Variants in HTR4 observed in about 807,000 individuals in gnomAD.
HTR4 encodes 5-hydroxytryptamine receptor 4.
In HTR4, 16 loss-of-function variants were observed where a neutral mutation model predicts 36.8. The ratio of observed to expected loss-of-function variants is 0.43; its 90% CI spans 0.29 to 0.66. HTR4 has a LOEUF of 0.66. HTR4 is among the 30% of genes least tolerant of loss of function. The pLI, the probability that HTR4 is intolerant of heterozygous loss-of-function variation, is 0.13. For missense variants in HTR4, 438 were observed against 490.9 expected (o/e 0.89, Z 1.02); for synonymous variants, 189 against 185.1 (o/e 1.02, Z -0.17).
downstream of HTR4, among the ~76,000 whole-genome samples, chr5:148,472,431 G>A (rs1755592056): frequency 6.6e-6 from 1 of 152,160 alleles, no homozygotes; most frequent in East Asian, 1.9e-4. Context: ...GGACCCACGT[G>A]TCTTTGCCAA....
chr5:148,585,170 G>A (rs1211376739), intron 2 of HTR4, among the ~76,000 whole-genome samples: 2 of 152,078 alleles, frequency 1.3e-5, no homozygotes, highest in East Asian at 3.9e-4. Flanking sequence ...CATATAAAAT[G>A]CTTAAAATGG....
intron 5 of HTR4, among the ~76,000 whole-genome samples, chr5:148,464,106 T>C (rs554126538): frequency 9.4e-4 from 140 of 148,366 alleles, no homozygotes; most frequent in Non-Finnish European, 1.5e-3. Context: ...AAATGCATCA[T>C]AGAGCTAAAT....
chr5:148,506,936 C>T (rs1315539166), intron 6 of HTR4, among the ~76,000 whole-genome samples: 1 of 152,176 alleles, frequency 6.6e-6, no homozygotes, highest in African/African-American at 2.4e-5. Context: ...GGACTGTAAA[C>T]TAGTTCAACT....
intron 5 of HTR4, among the ~76,000 whole-genome samples, chr5:148,470,491 T>C (rs2113703343): frequency 6.6e-6 from 1 of 152,342 alleles, no homozygotes; most frequent in South Asian, 2.1e-4. Context: ...GATGTAAGTA[T>C]TTTAGGCCTT....
chr5:148,535,357 C>T (rs1758764029), intron 4 of HTR4, among the ~76,000 whole-genome samples: 2 of 152,200 alleles, frequency 1.3e-5, no homozygotes, highest in Admixed American at 1.3e-4. Context: ...TGCACCAGTT[C>T]TCCAACGAGA....
At chr5:148,541,453 G>A (rs190655364) in intron 4 of HTR4, among the ~76,000 whole-genome samples, 2 of 152,162 alleles carry the variant, frequency 1.3e-5, no homozygotes, top group African/African-American at 4.8e-5. Flanking sequence ...CAATTATTGA[G>A]ACGCACATAA....
intron 6 of HTR4, among the ~76,000 whole-genome samples, chr5:148,504,191 A>G (rs1427636458): frequency 1.3e-5 from 2 of 152,210 alleles, no homozygotes; most frequent in East Asian, 3.8e-4. Context: ...CAGAATATAC[A>G]TTCGTCTCAG....
chr5:148,603,406 A>G (rs984538845), intron 2 of HTR4, among the ~76,000 whole-genome samples: 2 of 152,088 alleles, frequency 1.3e-5, no homozygotes, highest in African/African-American at 4.8e-5. Flanking sequence ...CACCTTATAA[A>G]GATATTTTAC....
chr5:148,503,304 C>G (rs1757024831), intron 6 of HTR4, among the ~76,000 whole-genome samples: 1 of 152,224 alleles, frequency 6.6e-6, no homozygotes, highest in African/African-American at 2.4e-5. Flanking sequence ...TCCGCAGAAA[C>G]TCTACAAGCC....
chr5:148,584,130 C>T (rs1032779865), intron 2 of HTR4, among the ~76,000 whole-genome samples: 3 of 152,168 alleles, frequency 2.0e-5, no homozygotes, highest in African/African-American at 7.2e-5. Context: ...ATTTCATGCT[C>T]ATTAAACTAA....
chr5:148,510,062 G>A, intron 5 of HTR4, 38 bp from the exon 6 acceptor site: 1 of 1,382,692 alleles, frequency 7.2e-7, no homozygotes, highest in Non-Finnish European at 9.9e-7. Context: ...AGGAAAGGAG[G>A]TAAAAAGGAA....
chr5:148,470,078 T>C (rs986257960), intron 5 of HTR4, among the ~76,000 whole-genome samples: 2 of 152,180 alleles, frequency 1.3e-5, no homozygotes, highest in African/African-American at 4.8e-5. Flanking sequence ...ACAACAGCAA[T>C]GATAGCTGAC....
chr5:148,504,293 C>T (rs1757079232), intron 6 of HTR4, among the ~76,000 whole-genome samples: 1 of 152,284 alleles, frequency 6.6e-6, no homozygotes, highest in East Asian at 1.9e-4. Context: ...AACAAACTGT[C>T]TCTCAGACCA....
chr5:148,503,103 C>G (rs1036867379), intron 6 of HTR4, among the ~76,000 whole-genome samples: 1 of 152,146 alleles, frequency 6.6e-6, no homozygotes, highest in Non-Finnish European at 1.5e-5. Context: ...CCCAACCTAG[C>G]AAGGCAGGCC....
At chr5:148,581,502 T>G (rs1051856014) in intron 2 of HTR4, among the ~76,000 whole-genome samples, 39 of 152,136 alleles carry the variant, frequency 2.6e-4, no homozygotes, top group Non-Finnish European at 4.7e-4. Flanking sequence ...GTAATTCATT[T>G]TCAGTTAATT....
At chr5:148,510,708 T>G (rs1757456898) in intron 5 of HTR4, among the ~76,000 whole-genome samples, 1 of 152,234 alleles carries the variant, frequency 6.6e-6, no homozygotes, top group South Asian at 2.1e-4. Flanking sequence ...TAAACTTAGC[T>G]CTTTGGGGGA....
At position 148,571,317 on chromosome 5, in the gene HTR4, G is replaced by C. The variant is rs560063646; in HGVS notation, c.27-21055C>G. On this transcript the variant is annotated intron_variant, in intron 2 of 6. Transcript: ENST00000377888. ...ATACAACATGTCTGCGTTAGACTTT[G>C]TTGGTAGTTGTCGTGTCCATGGTGG... is the stretch of plus-strand genomic sequence containing the variant. 4.2e-4 allele frequency among the ~76,000 whole-genome samples: 64 copies of C among 152,202 alleles called. 1 individual carries two copies. Among genetic ancestry groups the C allele is most frequent in the Middle Eastern group, 3.4e-3 (1 of 294 alleles).
intron 2 of HTR4, among the ~76,000 whole-genome samples, chr5:148,588,541 T>C (rs1761435663): frequency 7.9e-6 from 1 of 126,886 alleles, no homozygotes; most frequent in Admixed American, 8.0e-5. Flanking sequence ...TTTTTTTTTT[T>C]TTTTTTTTTT....
intron 5 of HTR4, among the ~76,000 whole-genome samples, chr5:148,518,003 T>C (rs1441948989): frequency 6.6e-6 from 1 of 152,132 alleles, no homozygotes; most frequent in Admixed American, 6.6e-5. Context: ...AACCTTGATA[T>C]GTTAGGAATA....
Sources: allele counts gnomAD v4.1 joint callset (sites outside exome capture counted in the v4.1 genomes callset), GRCh38; gene constraint gnomAD v4.1.1; transcripts MANE v1.5; gene names NCBI Gene and HGNC (gene_info 2026-07-23, HGNC 2026-07-21).